The following LAMC1 variants were observed in gnomAD, a reference collection of about 807,000 sequenced individuals.
LAMC1 encodes laminin subunit gamma 1.
In LAMC1, 38 loss-of-function variants were observed where a neutral mutation model predicts 173.6. The ratio of observed to expected loss-of-function variants is 0.22; its 90% CI spans 0.17 to 0.29. The LOEUF is 0.29. Among genes scored for constraint, LAMC1 ranks in the 10% least tolerant of loss-of-function variants. The pLI, the probability that LAMC1 is intolerant of heterozygous loss-of-function variation, is 1.00. For synonymous variants in LAMC1, 746 were observed against 749.1 expected, an observed-to-expected ratio of 1.00 and a Z score of 0.07; for missense variants, 1,824 against 2,051.8, an observed-to-expected ratio of 0.89 and a Z score of 2.14.
intron 1 of LAMC1, among the ~76,000 whole-genome samples, chr1:183,093,103 C>A (rs991963500): frequency 1.3e-5 from 2 of 152,116 alleles, no homozygotes; most frequent in African/African-American, 2.4e-5. Context: ...ATGATAGTAC[C>A]ATTGCACTCC....
chr1:183,076,153 G>A (rs1479398232), intron 1 of LAMC1, among the ~76,000 whole-genome samples: 1 of 151,936 alleles, frequency 6.6e-6, no homozygotes, highest in African/African-American at 2.4e-5. Context: ...TTTTTCTTTA[G>A]CAATTCCTTT....
Position 183,143,928 on chromosome 1 carries a change from A to G in LAMC1, c.*1138A>G, listed in dbSNP as rs1657186518. Reference sequence around the variant, plus strand: ...AATCCCTCAAAAAACATTGTTTGCCAAATCCTGGTGGCAAATACTTGCACT... The same window carrying G: ...AATCCCTCAAAAAACATTGTTTGCCGAATCCTGGTGGCAAATACTTGCACT... On this transcript the variant is annotated 3_prime_UTR_variant, in exon 28 of 28. Coordinates refer to ENST00000258341, the MANE Select transcript of LAMC1 (RefSeq NM_002293.4). 6.6e-6 allele frequency: 1 copy of G among 152,202 alleles called. No individual in the cohort carries two copies. The highest frequency in any genetic ancestry group is 1.5e-5 in the Non-Finnish European group (1 of 68,044). The allele number at this position is 152,202 out of a possible 1,614,324, so 9.4% of individuals were successfully genotyped here.
chr1:183,024,305 C>G (rs986187815), intron 1 of LAMC1, among the ~76,000 whole-genome samples, 171 bp downstream of exon 1: 4 of 152,230 alleles, frequency 2.6e-5, no homozygotes, highest in Non-Finnish European at 5.9e-5. Flanking sequence ...ATAGATACTG[C>G]TTTTAACATC....
chr1:183,117,166 AT>A (rs1371721854), intron 8 of LAMC1, among the ~76,000 whole-genome samples, 153 bp from the exon 9 acceptor site: 1 of 152,238 alleles, frequency 6.6e-6, no homozygotes, highest in Admixed American at 6.5e-5. Flanking sequence ...TATAGCATAT[AT>A]TGGTACTGTT....
At chr1:183,068,366 G>T (rs192764768) in intron 1 of LAMC1, among the ~76,000 whole-genome samples, 8 of 152,226 alleles carry the variant, frequency 5.3e-5, no homozygotes, top group Non-Finnish European at 7.4e-5. Context: ...CAGTAAGCTA[G>T]TACTCATTTG....
rs200722580 is a variant in LAMC1 at position 183,046,827 on chromosome 1, TA to T, written c.418+22700del. Among the ~76,000 whole-genome samples the T allele has an allele frequency of 4.5e-3, 688 of 152,210 alleles. 7 individuals carry two copies. Among genetic ancestry groups the T allele is most frequent in the African/African-American group, 0.016 (653 of 41,562 alleles). ...ATTAGAACAATATACAGAATACATT[TA>T]AAAAAATTCCCCTTAAATATTATGC... On this transcript the variant is annotated intron_variant, in intron 1 of 27. Transcript: ENST00000258341.
At chr1:183,093,431 A>G (rs1439258354) in intron 1 of LAMC1, among the ~76,000 whole-genome samples, 1 of 151,968 alleles carries the variant, frequency 6.6e-6, no homozygotes, top group Non-Finnish European at 1.5e-5. Flanking sequence ...TATTCTTTCT[A>G]CTTCAGTGGC....
chr1:183,140,263 A>AAAAAAAAAAAAAAACAAAG, intron 26 of LAMC1, 141 bp from the exon 27 acceptor site: 1 of 451,892 alleles, frequency 2.2e-6, no homozygotes, highest in Non-Finnish European at 3.9e-6. Flanking sequence ...AAAAAAAAAA[A>AAAAAAAAAAAAAAACAAAG]AAGCAATGAG....
chr1:183,055,475 A>G (rs1456694989), intron 1 of LAMC1, among the ~76,000 whole-genome samples: 2 of 98,926 alleles, frequency 2.0e-5, no homozygotes. Flanking sequence ...CTATTGTGTA[A>G]AAAAAAAAAC....
At chr1:183,030,992 C>A (rs956195535) in intron 1 of LAMC1, among the ~76,000 whole-genome samples, 1 of 152,028 alleles carries the variant, frequency 6.6e-6, no homozygotes. Context: ...GACCCTATCT[C>A]AAAAATTAAA....
chr1:183,076,369 T>A lies in LAMC1; in HGVS notation c.419-26959T>A, dbSNP rs141531300. Among the ~76,000 whole-genome samples the A allele has an allele frequency of 4.5e-3, 685 of 152,374 alleles. 7 individuals carry two copies. The highest frequency in any genetic ancestry group is 0.016 in the African/African-American group (650 of 41,582). Reference sequence around the variant, plus strand: ...TTGTCTAATTGAGATTTGTCATTTTTAATTGTTAGCAGTAAGGAACAAAAG... The same window carrying A: ...TTGTCTAATTGAGATTTGTCATTTTAAATTGTTAGCAGTAAGGAACAAAAG... On this transcript the variant is annotated intron_variant, in intron 1 of 27. Coordinates refer to ENST00000258341, the MANE Select transcript of LAMC1 (RefSeq NM_002293.4).
chr1:183,028,571 A>T lies in LAMC1; in HGVS notation c.418+4437A>T, dbSNP rs1288848003. Among the ~76,000 whole-genome samples, 3 of 152,376 alleles carry T rather than the reference A, an allele frequency of 2.0e-5. No individual in the cohort carries two copies. In the East Asian group the frequency reaches 5.8e-4, roughly 29 times the overall value. On this transcript the variant is annotated intron_variant, in intron 1 of 27. Transcript: ENST00000258341. ...TGTGATTTGCCTAAAGTCATGTGGGAGATAGGTCTTTGACTACCTAGTTGA... is the reference window on the plus strand; with the variant it reads ...TGTGATTTGCCTAAAGTCATGTGGGTGATAGGTCTTTGACTACCTAGTTGA...
chr1:183,132,799 G>GA (rs1263085660), intron 21 of LAMC1, among the ~76,000 whole-genome samples: 1 of 151,830 alleles, frequency 6.6e-6, no homozygotes, highest in Non-Finnish European at 1.5e-5. Flanking sequence ...AAATAAAGAA[G>GA]AAAAAATATA....
chr1:183,115,648 T>C lies in LAMC1; in HGVS notation c.1328+11T>C. 6.4e-7 allele frequency: 1 copy of C among 1,568,004 alleles called. No homozygotes were observed. Among genetic ancestry groups the C allele is most frequent in the South Asian group, 1.1e-5 (1 of 90,132 alleles). ...TGAAGCAGGATGCAGGTAAAATATT[T>C]TCAAAGCCAGAAGAAGGGGGCAGAA... is the stretch of plus-strand genomic sequence containing the variant. On this transcript the variant is annotated intron_variant, in intron 6 of 27. Transcript: ENST00000258341.
intron 1 of LAMC1, among the ~76,000 whole-genome samples, chr1:183,073,128 C>T (rs188720746): frequency 1.2e-3 from 181 of 152,266 alleles, no homozygotes; most frequent in East Asian, 1.5e-3. Flanking sequence ...ATTGTAACAT[C>T]ATTGCTTGGT....
intron 1 of LAMC1, among the ~76,000 whole-genome samples, chr1:183,061,974 C>T (rs987091927): frequency 6.6e-6 from 1 of 152,240 alleles, no homozygotes; most frequent in East Asian, 1.9e-4. Flanking sequence ...CTTTTTCTGA[C>T]TATAGTGCCA....
At chr1:183,026,570 A>G (rs942111167) in intron 1 of LAMC1, among the ~76,000 whole-genome samples, 2 of 152,226 alleles carry the variant, frequency 1.3e-5, no homozygotes, top group Non-Finnish European at 2.9e-5. Flanking sequence ...ATTATTTCCC[A>G]TGAATTAAAG....
At chr1:183,137,077 T>C (rs2102112232) in intron 25 of LAMC1, among the ~76,000 whole-genome samples, 1 of 152,366 alleles carries the variant, frequency 6.6e-6, no homozygotes, top group East Asian at 1.9e-4. Context: ...TTAGTTTGGC[T>C]TTCTCTTATT....
intron 8 of LAMC1, 129 bp from the exon 9 acceptor site, chr1:183,117,191 A>G: frequency 1.0e-6 from 1 of 962,276 alleles, no homozygotes; most frequent in Non-Finnish European, 1.5e-6. Flanking sequence ...GGATCCATTT[A>G]TTCAAAAAGG....
Sources: allele counts gnomAD v4.1 joint callset (sites outside exome capture counted in the v4.1 genomes callset), GRCh38; gene constraint gnomAD v4.1.1; transcripts MANE v1.5; gene names NCBI Gene and HGNC (gene_info 2026-07-23, HGNC 2026-07-21).